Variants in KLHL32 observed in about 807,000 individuals in gnomAD.
KLHL32 encodes the protein kelch-like protein 32.
Under a neutral mutation model 64.8 loss-of-function variants are expected in KLHL32, and 35 were observed. That is an observed-to-expected ratio of 0.54 (90% CI 0.41 to 0.72). The LOEUF is 0.72. Among genes scored for constraint, KLHL32 ranks in the 30% least tolerant of loss-of-function variants. The pLI is 0.00. For missense variants in KLHL32, 589 were observed against 768.5 expected (o/e 0.77, Z 2.76); for synonymous variants, 259 against 281.0 (o/e 0.92, Z 0.78).
chr6:97,077,491 G>A (rs1582945822), intron 5 of KLHL32, among the ~76,000 whole-genome samples: 1 of 152,008 alleles, frequency 6.6e-6, no homozygotes, highest in Non-Finnish European at 1.5e-5. Context: ...TGGGGAAAGG[G>A]GGAAAAATCT....
At chr6:96,961,154 T>G (rs540316857) in intron 1 of KLHL32, among the ~76,000 whole-genome samples, 6 of 152,336 alleles carry the variant, frequency 3.9e-5, no homozygotes, top group African/African-American at 1.4e-4. Flanking sequence ...TTTCCTTCTT[T>G]ATCTGCCATG....
At chr6:96,929,788 G>A (rs1032606746) in intron 1 of KLHL32, among the ~76,000 whole-genome samples, 1 of 152,130 alleles carries the variant, frequency 6.6e-6, no homozygotes, top group Admixed American at 6.5e-5. Flanking sequence ...AACGAACTAT[G>A]TAGGAAAAAA....
intron 6 of KLHL32, among the ~76,000 whole-genome samples, chr6:97,110,803 C>T (rs928551891): frequency 1.3e-5 from 2 of 152,198 alleles, no homozygotes; most frequent in African/African-American, 2.4e-5. Context: ...CTGGCTATTT[C>T]GGTGCCGGCA....
chr6:97,086,434 C>A (rs551850415), intron 6 of KLHL32, among the ~76,000 whole-genome samples: 4 of 152,152 alleles, frequency 2.6e-5, no homozygotes, highest in Non-Finnish European at 5.9e-5. Context: ...AGAGCTGCAG[C>A]GTCCTGAAGG....
chr6:97,059,897 AC>A (rs1355162960), intron 4 of KLHL32, among the ~76,000 whole-genome samples: 15 of 151,468 alleles, frequency 9.9e-5, no homozygotes, highest in African/African-American at 3.2e-4. Flanking sequence ...GTAATACTAT[AC>A]AGGAAAAAAA....
chr6:97,060,949 T>A (rs1279988303), intron 4 of KLHL32, among the ~76,000 whole-genome samples: 1 of 152,132 alleles, frequency 6.6e-6, no homozygotes, highest in Non-Finnish European at 1.5e-5. Flanking sequence ...CCTCTCCTTA[T>A]TCATATGACC....
At chr6:97,009,099 A>G (rs1780037138) in intron 3 of KLHL32, among the ~76,000 whole-genome samples, 1 of 151,634 alleles carries the variant, frequency 6.6e-6, no homozygotes, top group Admixed American at 6.6e-5. Flanking sequence ...TTGTCACTTA[A>G]TGGGGCTAAT....
rs879677069 is a variant in KLHL32 at position 97,112,449 on chromosome 6, A to AT, written c.628-1322dup. Among the ~76,000 whole-genome samples, 151 of 146,086 alleles carry AT rather than the reference A, an allele frequency of 1.0e-3. 1 individual carries two copies. The highest frequency in any genetic ancestry group is 6.0e-3 in the East Asian group (30 of 5,032). The stretch of plus-strand genomic sequence containing the variant: ...ATGAATTGTGGTTTTTTCATTGATG[A>AT]TTTTTTTTTTTTCCTGAGATGGAGT... On this transcript the variant is annotated intron_variant, in intron 6 of 10. Transcript: ENST00000369261.
intron 9 of KLHL32, 25 bp downstream of exon 9, chr6:97,130,974 C>G: frequency 6.3e-7 from 1 of 1,593,422 alleles, no homozygotes. Context: ...TTAAGTAAAT[C>G]AGGAAAAGTA....
intron 1 of KLHL32, among the ~76,000 whole-genome samples, chr6:96,941,006 A>G (rs1771213022): frequency 1.3e-5 from 2 of 152,380 alleles, no homozygotes; most frequent in Non-Finnish European, 2.9e-5. Flanking sequence ...CGTGAAGTGC[A>G]TAGTCCTGGA....
intron 5 of KLHL32, among the ~76,000 whole-genome samples, chr6:97,081,112 C>A (rs1224019272): frequency 6.6e-6 from 1 of 152,090 alleles, no homozygotes; most frequent in Non-Finnish European, 1.5e-5. Flanking sequence ...GGGCACAGAC[C>A]ACACCTCCAG....
chr6:97,051,186 T>C (rs1332970111), intron 4 of KLHL32, among the ~76,000 whole-genome samples: 1 of 152,140 alleles, frequency 6.6e-6, no homozygotes, highest in African/African-American at 2.4e-5. Context: ...TTAGATAATA[T>C]AGATGACAAG....
rs149960812 is a variant in KLHL32 at position 97,120,225 on chromosome 6, A to G, written c.1354+5716A>G. On this transcript the variant is annotated intron_variant, in intron 7 of 10. Transcript: ENST00000369261. ...GGAGGGACCCTTAAGCCTGGAGGGA[A>G]GGAGATAATTATGGGTGTGAACCTA... Among the ~76,000 whole-genome samples, 91 of 152,162 alleles carry G rather than the reference A, an allele frequency of 6.0e-4. 1 individual carries two copies. The highest frequency in any genetic ancestry group is 3.4e-3 in the Middle Eastern group (1 of 294).
At chr6:97,115,569 C>A (rs1008747432) in intron 7 of KLHL32, among the ~76,000 whole-genome samples, 1 of 152,208 alleles carries the variant, frequency 6.6e-6, no homozygotes, top group African/African-American at 2.4e-5. Context: ...CACCCACAGA[C>A]CCATCACACC....
intron 1 of KLHL32, among the ~76,000 whole-genome samples, chr6:96,957,268 G>T (rs1773383237): frequency 6.6e-6 from 1 of 152,016 alleles, no homozygotes; most frequent in African/African-American, 2.4e-5. Flanking sequence ...TCATAAATTT[G>T]GGAACTCTAA....
chr6:96,982,583 A>G (rs1018118367), intron 3 of KLHL32, among the ~76,000 whole-genome samples: 6 of 152,154 alleles, frequency 3.9e-5, no homozygotes, highest in Admixed American at 6.5e-5. Context: ...TTCTCCTTGA[A>G]GAGGTCCTTC....
intron 1 of KLHL32, among the ~76,000 whole-genome samples, chr6:96,959,042 T>C (rs1335586092): frequency 1.3e-5 from 2 of 152,106 alleles, no homozygotes; most frequent in African/African-American, 4.8e-5. Context: ...GCCTGGGTGT[T>C]GAAAGCAACT....
At chr6:97,116,977 A>G (rs749804745) in intron 7 of KLHL32, among the ~76,000 whole-genome samples, 3 of 152,184 alleles carry the variant, frequency 2.0e-5, no homozygotes, top group Non-Finnish European at 4.4e-5. Flanking sequence ...TGTACTTGAG[A>G]TGAAAAACTC....
intron 6 of KLHL32, 46 bp downstream of exon 6, chr6:97,085,387 C>T: frequency 6.6e-6 from 10 of 1,523,044 alleles, no homozygotes; most frequent in Non-Finnish European, 8.2e-6. Context: ...AAAAGCATGC[C>T]GTGATTGGAA....
Sources: gnomAD v4.1 joint callset for allele counts (sites outside exome capture counted in the v4.1 genomes callset) on GRCh38, gnomAD v4.1.1 for gene constraint, MANE v1.5 for transcripts, NCBI Gene and HGNC (gene_info 2026-07-23, HGNC 2026-07-21) for gene names.